CAMK2G: variants seen among roughly 807,000 people sequenced by gnomAD.
The protein encoded by CAMK2G is calcium/calmodulin dependent protein kinase II gamma, also known as calcium/calmodulin-dependent protein kinase type II subunit gamma.
In CAMK2G, 23 loss-of-function variants were observed where a neutral mutation model predicts 88.7. That is an observed-to-expected ratio of 0.26 (90% CI 0.19 to 0.37). CAMK2G has a LOEUF of 0.37. Ranked by LOEUF, CAMK2G falls within the 10% of genes least tolerant of loss-of-function variation. The probability of loss-of-function intolerance (pLI) is 1.00; values close to 1 mark genes in which losing one functional copy is unlikely to be tolerated. For synonymous variants in CAMK2G, 263 were observed against 294.8 expected (o/e 0.89, Z 1.11); for missense variants, 476 against 780.8 (o/e 0.61, Z 4.65).
intron 14 of CAMK2G, among the ~76,000 whole-genome samples, chr10:73,834,021 C>A (rs1477943173): frequency 6.7e-6 from 1 of 148,562 alleles, no homozygotes; most frequent in Non-Finnish European, 1.5e-5. Flanking sequence ...CGGGTTCACG[C>A]CATTCTCCTG....
At chr10:73,819,729 C>T in intron 18 of CAMK2G, 84 bp from the exon 19 acceptor site, 1 of 835,786 alleles carries the variant, frequency 1.2e-6, no homozygotes, top group Non-Finnish European at 1.8e-6. Context: ...GCAAGCCAGA[C>T]AGGCCCCGAG....
intron 14 of CAMK2G, among the ~76,000 whole-genome samples, chr10:73,828,533 A>T (rs1476825947): frequency 6.6e-6 from 1 of 152,196 alleles, no homozygotes; most frequent in African/African-American, 2.4e-5. Context: ...CTGAAATTCA[A>T]GTGAGCAGCC....
chr10:73,861,520 T>TA (rs1360850869), intron 2 of CAMK2G, among the ~76,000 whole-genome samples: 3 of 152,206 alleles, frequency 2.0e-5, no homozygotes, highest in Admixed American at 6.5e-5. Context: ...CACGCCTGGC[T>TA]AATTTTTGTA....
At chr10:73,843,188 C>T (rs1291919203) in intron 10 of CAMK2G, among the ~76,000 whole-genome samples, 1 of 151,954 alleles carries the variant, frequency 6.6e-6, no homozygotes, top group Non-Finnish European at 1.5e-5. Context: ...CTTGGCCTCC[C>T]GAGTAGCTGG....
At chr10:73,822,695 T>A (rs2089388884) in intron 17 of CAMK2G, among the ~76,000 whole-genome samples, 1 of 151,992 alleles carries the variant, frequency 6.6e-6, no homozygotes, top group African/African-American at 2.4e-5. Context: ...AAAGGCCACA[T>A]CTGAGCTTCA....
chr10:73,848,250 A>T lies in CAMK2G; in HGVS notation c.602-168T>A, dbSNP rs1235123436. On this transcript the variant is annotated intron_variant, in intron 8 of 22. Coordinates refer to ENST00000423381, the MANE Select transcript of CAMK2G (RefSeq NM_001367534.1). The surrounding 1 kb of genome is among the most constrained non-coding windows in gnomAD (Gnocchi z 4.5). The stretch of plus-strand genomic sequence containing the variant: ...CTACCAGCCCCTCCTGCTATGCCTC[A>T]CACTTCACGTCACCAAGTCACACCA... 6.6e-6 allele frequency among the ~76,000 whole-genome samples: 1 copy of T among 152,180 alleles called. No individual in the cohort carries two copies. The highest frequency in any genetic ancestry group is 1.5e-5 in the Non-Finnish European group (1 of 68,022).
chr10:73,839,441 G>T lies in CAMK2G; in HGVS notation c.1009+98C>A. The T allele has an allele frequency of 3.3e-6, 2 of 599,880 alleles. No homozygotes were observed. Among genetic ancestry groups the T allele is most frequent in the Non-Finnish European group, 4.9e-6 (2 of 410,508 alleles). 37.2% of individuals were successfully genotyped at this position (599,880 alleles called of 1,614,324 possible). On this transcript the variant is annotated intron_variant, in intron 13 of 22. Coordinates refer to ENST00000423381, the MANE Select transcript of CAMK2G (RefSeq NM_001367534.1). The surrounding 1 kb of genome is among the most constrained non-coding windows in gnomAD (Gnocchi z 4.2). ...ATGCCCATCTCAGCCCGCAAGCATG[G>T]GACTCGCCTCCCTGGTGAGTGGGCC... is the stretch of plus-strand genomic sequence containing the variant.
intron 3 of CAMK2G, among the ~76,000 whole-genome samples, chr10:73,855,691 G>A (rs981595339): frequency 6.6e-6 from 1 of 152,244 alleles, no homozygotes; most frequent in Non-Finnish European, 1.5e-5. Flanking sequence ...GGAAGCCGGG[G>A]AAGGGAATTA....
In CAMK2G at chr10:73,839,557, C is replaced by T; in HGVS notation, c.991G>A (p.Ala331Thr). ...SAPASPAASA[A>T]GLAGQAAKSL... The stretch of plus-strand genomic sequence containing the variant: ...CACGTACCTTGCCCGGCCAGGCCGG[C>T]GGCGCTCGCGGCAGGCGAGGCGGGG... The change falls in exon 13 of 23, where the codon GCC becomes ACC. Residue 331 changes from alanine (A) to threonine (T), a missense_variant. Transcript: ENST00000423381. This position sits in a 1 kb window ranked among gnomAD's most constrained non-coding sequence, Gnocchi z 4.2. 8 of 1,234,826 alleles carry T rather than the reference C, an allele frequency of 6.5e-6. No homozygotes were observed. In the South Asian group the frequency reaches 1.6e-4, roughly 25 times the overall value. The allele number at this position is 1,234,826 out of a possible 1,614,324, so 76.5% of individuals were successfully genotyped here.
chr10:73,857,667 G>A (rs1445928989), intron 3 of CAMK2G, among the ~76,000 whole-genome samples: 4 of 152,192 alleles, frequency 2.6e-5, no homozygotes, highest in Admixed American at 6.5e-5. Context: ...AGCTCAGCAC[G>A]AAGGAAGACA....
At chr10:73,856,181 A>G (rs1211414521) in intron 3 of CAMK2G, among the ~76,000 whole-genome samples, 1 of 152,134 alleles carries the variant, frequency 6.6e-6, no homozygotes, top group East Asian at 1.9e-4. Context: ...GAACCCTCAC[A>G]CCAGCTCTGC....
intron 2 of CAMK2G, among the ~76,000 whole-genome samples, chr10:73,866,364 C>A (rs1216812146): frequency 6.6e-6 from 1 of 152,200 alleles, no homozygotes; most frequent in Non-Finnish European, 1.5e-5. Context: ...TACTCCAATG[C>A]CCTTTCCTTC....
chr10:73,851,034 T>G (rs2094575954), intron 5 of CAMK2G, among the ~76,000 whole-genome samples: 2 of 152,162 alleles, frequency 1.3e-5, no homozygotes, highest in Admixed American at 1.3e-4. Context: ...CCCTGAGCCA[T>G]CACTGCCTCC....
intron 3 of CAMK2G, 42 bp from the exon 4 acceptor site, chr10:73,853,288 A>G (rs778091275): frequency 7.3e-5 from 115 of 1,581,396 alleles, no homozygotes; most frequent in Non-Finnish European, 9.8e-5. Flanking sequence ...CAGAGAGAAA[A>G]CTTGGAAATC....
At chr10:73,825,515 A>G (rs760369496) in intron 15 of CAMK2G, among the ~76,000 whole-genome samples, 168 bp from the exon 16 acceptor site, 73 of 152,136 alleles carry the variant, frequency 4.8e-4, no homozygotes, top group Non-Finnish European at 8.2e-4. Context: ...GATCAGAGGA[A>G]GTATTTGTGG....
intron 4 of CAMK2G, among the ~76,000 whole-genome samples, 187 bp downstream of exon 4, chr10:73,853,005 G>A (rs2094747377): frequency 6.6e-6 from 1 of 152,208 alleles, no homozygotes; most frequent in Admixed American, 6.5e-5. Context: ...GAGCCCTGGG[G>A]GGACGCTGGG....
At chr10:73,851,507 G>C (rs568747330) in intron 5 of CAMK2G, among the ~76,000 whole-genome samples, 50 of 152,190 alleles carry the variant, frequency 3.3e-4, no homozygotes, top group African/African-American at 1.2e-3. Flanking sequence ...TGGATTATCA[G>C]CCCAGAACTC....
At position 73,819,717 on chromosome 10, in the gene CAMK2G, G is replaced by C. The variant is rs560408924; in HGVS notation, c.1250-72C>G. On this transcript the variant is annotated intron_variant, in intron 18 of 22. Transcript: ENST00000423381. ...AACAAACAGAACAAGGCAGGTGAGC[G>C]AGCAAGCCAGACAGGCCCCGAGCCC... is the stretch of plus-strand genomic sequence containing the variant. 2,043 of 951,948 alleles carry C rather than the reference G, an allele frequency of 2.1e-3. 2 individuals carry two copies. The highest frequency in any genetic ancestry group is 2.7e-3 in the Non-Finnish European group (1,753 of 644,300). The allele number at this position is 951,948 out of a possible 1,614,324, so 59.0% of individuals were successfully genotyped here. A position where few individuals can be genotyped will look rare whatever the true frequency, so the allele number is the denominator to read the frequency against.
At chr10:73,866,388 G>A (rs1435070712) in intron 2 of CAMK2G, among the ~76,000 whole-genome samples, 5 of 152,128 alleles carry the variant, frequency 3.3e-5, no homozygotes. Flanking sequence ...TGCCAGGTCA[G>A]GGGGCCAGGG....
Sources: allele counts gnomAD v4.1 joint callset (sites outside exome capture counted in the v4.1 genomes callset), GRCh38; gene constraint gnomAD v4.1.1; non-coding constraint Gnocchi (gnomAD v3.1); transcripts MANE v1.5; gene names NCBI Gene and HGNC (gene_info 2026-07-23, HGNC 2026-07-21).